The following TENM2 variants were observed in gnomAD, a reference collection of about 807,000 sequenced individuals.
TENM2 encodes teneurin transmembrane protein 2.
Under a neutral mutation model 245.2 loss-of-function variants are expected in TENM2, and 52 were observed. The ratio of observed to expected loss-of-function variants is 0.21; its 90% CI spans 0.17 to 0.27. TENM2 has a LOEUF of 0.27. TENM2 is among the 10% of genes least tolerant of loss of function. TENM2 has a pLI of 1.00. For missense variants in TENM2, 3,046 were observed against 3,666.8 expected (o/e 0.83, Z 4.37); for synonymous variants, 1,363 against 1,438.9 (o/e 0.95, Z 1.19).
the TENM2 span, among the ~76,000 whole-genome samples, chr5:167,072,702 C>G: frequency 2.6e-5 from 4 of 152,194 alleles, no homozygotes; most frequent in Non-Finnish European, 4.4e-5. Context: ...GTTGGGATCA[C>G]TGGGACCTTC....
At chr5:167,405,796 A>ACACACACACACACACACG (rs1561929238) in intron 2 of TENM2, among the ~76,000 whole-genome samples, 5 of 151,630 alleles carry the variant, frequency 3.3e-5, no homozygotes, top group Non-Finnish European at 2.9e-5. Context: ...ACACACACAC[A>ACACACACACACACACACG]CACGCACACA....
intron 12 of TENM2, among the ~76,000 whole-genome samples, chr5:168,147,432 G>C (rs936155911): frequency 6.6e-6 from 1 of 152,144 alleles, no homozygotes; most frequent in Non-Finnish European, 1.5e-5. Context: ...AACTTGGAAG[G>C]CCTGTCAGAA....
At chr5:167,762,770 A>G (rs1370949569) in intron 2 of TENM2, among the ~76,000 whole-genome samples, 3 of 152,164 alleles carry the variant, frequency 2.0e-5, no homozygotes, top group African/African-American at 7.2e-5. Flanking sequence ...CCAGCTAAAA[A>G]TGCTTCATTA....
At chr5:167,224,699 T>C in the TENM2 span, among the ~76,000 whole-genome samples, 1 of 151,956 alleles carries the variant, frequency 6.6e-6, no homozygotes, top group Admixed American at 6.6e-5. Context: ...GTACAAACTT[T>C]AGGATTTTTT....
At chr5:168,233,959 T>A (rs527315934) in intron 25 of TENM2, among the ~76,000 whole-genome samples, 1 of 152,142 alleles carries the variant, frequency 6.6e-6, no homozygotes, top group Non-Finnish European at 1.5e-5. Context: ...TCCCCCTGGG[T>A]CCCTCCCAAC....
At chr5:167,669,718 C>A (rs576670165) in intron 2 of TENM2, among the ~76,000 whole-genome samples, 12 of 152,106 alleles carry the variant, frequency 7.9e-5, no homozygotes, top group Admixed American at 7.2e-4. Context: ...TGGGGACAGA[C>A]GGCAGGGTGG....
chr5:167,450,139 T>G (rs1443642113), intron 2 of TENM2, among the ~76,000 whole-genome samples: 1 of 152,094 alleles, frequency 6.6e-6, no homozygotes, highest in Non-Finnish European at 1.5e-5. Flanking sequence ...ATTTTAAATA[T>G]TATCTCTCTT....
At chr5:168,214,796 C>T (rs774119747) in intron 20 of TENM2, 1 of 596,828 alleles carries the variant, frequency 1.7e-6, no homozygotes, top group South Asian at 1.5e-5. Context: ...AATGAAGCAA[C>T]AGTTGTTTAG....
the TENM2 span, among the ~76,000 whole-genome samples, chr5:167,197,791 G>T: frequency 6.6e-6 from 1 of 151,738 alleles, no homozygotes; most frequent in African/African-American, 2.4e-5. Flanking sequence ...GTTGTAAAAT[G>T]TACTTTTGCT....
intron 2 of TENM2, among the ~76,000 whole-genome samples, chr5:167,596,825 A>G (rs1776251803): frequency 6.6e-6 from 1 of 151,966 alleles, no homozygotes; most frequent in African/African-American, 2.4e-5. Flanking sequence ...AAAAGAAAAA[A>G]ATGCAGAGGC....
At chr5:167,199,344 T>C in the TENM2 span, among the ~76,000 whole-genome samples, 1 of 152,090 alleles carries the variant, frequency 6.6e-6, no homozygotes, top group African/African-American at 2.4e-5. Context: ...GTTCAATTTA[T>C]ACCTTCTTGT....
intron 2 of TENM2, among the ~76,000 whole-genome samples, chr5:167,415,295 T>C (rs1422432496): frequency 6.6e-6 from 1 of 152,186 alleles, no homozygotes; most frequent in Non-Finnish European, 1.5e-5. Flanking sequence ...ACTACAGCTT[T>C]AACTTTACAT....
chr5:167,377,322 A>G (rs1458700433), intron 2 of TENM2, among the ~76,000 whole-genome samples: 1 of 152,134 alleles, frequency 6.6e-6, no homozygotes, highest in Non-Finnish European at 1.5e-5. Context: ...TAGTGTCCTG[A>G]TTCTTTCCTA....
intron 12 of TENM2, chr5:168,128,717 T>A (rs2152366661): frequency 6.6e-6 from 1 of 152,378 alleles, no homozygotes; most frequent in Admixed American, 6.5e-5. Context: ...GCTGCCTGTT[T>A]TTCCATGGCT....
At chr5:167,713,215 C>G (rs1191796997) in intron 2 of TENM2, among the ~76,000 whole-genome samples, 1 of 151,730 alleles carries the variant, frequency 6.6e-6, no homozygotes, top group Non-Finnish European at 1.5e-5. Flanking sequence ...TGCCATTTTT[C>G]CTACCCCCTA....
At chr5:167,756,247 TC>T (rs1438304748) in intron 2 of TENM2, among the ~76,000 whole-genome samples, 1 of 152,128 alleles carries the variant, frequency 6.6e-6, no homozygotes, top group African/African-American at 2.4e-5. Context: ...TAATCCCACT[TC>T]CTTTTTGCTT....
At chr5:167,239,639 A>G in the TENM2 span, among the ~76,000 whole-genome samples, 1 of 152,212 alleles carries the variant, frequency 6.6e-6, no homozygotes, top group Non-Finnish European at 1.5e-5. Context: ...TTGAAAGCAG[A>G]TGTGTTTGCT....
At chr5:167,571,117 A>G (rs1375037509) in intron 2 of TENM2, among the ~76,000 whole-genome samples, 1 of 152,218 alleles carries the variant, frequency 6.6e-6, no homozygotes, top group Non-Finnish European at 1.5e-5. Flanking sequence ...TTAAAATTTT[A>G]AAAAGCTGTT....
chr5:167,064,170 G>A, the TENM2 span, among the ~76,000 whole-genome samples: 2 of 152,324 alleles, frequency 1.3e-5, no homozygotes, highest in African/African-American at 4.8e-5. Context: ...GTAGGCGGAC[G>A]GGGGCCTGGG....
Sources: allele counts gnomAD v4.1 joint callset (sites outside exome capture counted in the v4.1 genomes callset), GRCh38; gene constraint gnomAD v4.1.1; transcripts MANE v1.5; gene names NCBI Gene and HGNC (gene_info 2026-07-23, HGNC 2026-07-21).